Variants in RTN1 observed in about 807,000 individuals in gnomAD.
RTN1 encodes reticulon-1.
In RTN1, 25 loss-of-function variants were observed where a neutral mutation model predicts 65.5. The ratio of observed to expected loss-of-function variants is 0.38; its 90% CI spans 0.28 to 0.53. The LOEUF (loss-of-function observed/expected upper bound fraction) is 0.53. Ranked by LOEUF, RTN1 falls within the 20% of genes least tolerant of loss-of-function variation. The probability of loss-of-function intolerance (pLI) is 0.79; values close to 1 mark genes in which losing one functional copy is unlikely to be tolerated. For missense variants in RTN1, 983 were observed against 1,025.4 expected (o/e 0.96, Z 0.57); for synonymous variants, 471 against 447.6 (o/e 1.05, Z -0.66).
chr14:59,698,821 A>T (rs148004431), intron 3 of RTN1, among the ~76,000 whole-genome samples: 100 of 152,316 alleles, frequency 6.6e-4, no homozygotes, highest in African/African-American at 2.4e-3. Context: ...AAACAATTCT[A>T]TCTTCCTGTA....
chr14:59,729,959 A>G (rs1434893456), intron 2 of RTN1, among the ~76,000 whole-genome samples: 1 of 152,226 alleles, frequency 6.6e-6, no homozygotes, highest in East Asian at 1.9e-4. Context: ...AGCTCTTAGC[A>G]GGCTTCAAGA....
chr14:59,746,991 A>G (rs1885242440), intron 1 of RTN1, among the ~76,000 whole-genome samples: 1 of 152,188 alleles, frequency 6.6e-6, no homozygotes, highest in Non-Finnish European at 1.5e-5. Context: ...CCTTTCATTC[A>G]TGGACTACTG....
chr14:59,713,958 G>A (rs557449181), intron 3 of RTN1, among the ~76,000 whole-genome samples: 30 of 152,272 alleles, frequency 2.0e-4, no homozygotes, highest in African/African-American at 6.5e-4. Context: ...CTAATAGGCC[G>A]GGTGCGGTGG....
chr14:59,699,868 T>C (rs1459362041), intron 3 of RTN1, among the ~76,000 whole-genome samples: 1 of 152,172 alleles, frequency 6.6e-6, no homozygotes, highest in Admixed American at 6.5e-5. Context: ...TCTTCTTCCA[T>C]CTTACCACAC....
chr14:59,771,870 A>C (rs74061303), intron 1 of RTN1, among the ~76,000 whole-genome samples: 2,029 of 152,338 alleles, frequency 0.013, 46 homozygotes, highest in African/African-American at 0.046. Context: ...GCCATTTTGC[A>C]TTGTGCTTTT....
intron 1 of RTN1, among the ~76,000 whole-genome samples, chr14:59,860,556 C>T (rs776556072): frequency 1.3e-5 from 2 of 152,226 alleles, no homozygotes; most frequent in Non-Finnish European, 2.9e-5. Flanking sequence ...GAGAAGAGGG[C>T]CACTGTCCTT....
rs1286617147 is a variant in RTN1 at position 59,792,741 on chromosome 14, C to T, written c.242-46260G>A. Among the ~76,000 whole-genome samples, 9 of 152,130 alleles carry T rather than the reference C, an allele frequency of 5.9e-5. No individual in the cohort carries two copies. The East Asian group carries it at 1.7e-3, about 29-fold the overall frequency. On this transcript the variant is annotated intron_variant, in intron 1 of 8. Coordinates refer to ENST00000267484, the MANE Select transcript of RTN1 (RefSeq NM_021136.3). ...TATCACCTCAACAACCTCAAAAGCA[C>T]ATTGTAAAACAGGATGTTTCAGAAA... is the stretch of plus-strand genomic sequence containing the variant.
chr14:59,697,371 T>A (rs1328607126), intron 3 of RTN1, among the ~76,000 whole-genome samples: 1 of 152,158 alleles, frequency 6.6e-6, no homozygotes, highest in East Asian at 1.9e-4. Context: ...CCATATCCTG[T>A]TCATCACTGA....
intron 1 of RTN1, among the ~76,000 whole-genome samples, chr14:59,779,069 C>T (rs1886105498): frequency 6.6e-6 from 1 of 152,040 alleles, no homozygotes; most frequent in Non-Finnish European, 1.5e-5. Context: ...GAGTACACAG[C>T]AGTGGTCCAG....
intron 3 of RTN1, among the ~76,000 whole-genome samples, chr14:59,617,889 A>C (rs1487317245): frequency 2.6e-5 from 4 of 152,102 alleles, no homozygotes; most frequent in African/African-American, 7.2e-5. Flanking sequence ...TCCCATTCCC[A>C]CTACATCCCC....
chr14:59,605,446 G>A lies in RTN1; in HGVS notation c.2034C>T (p.Cys678=). ...SQEQIQKYTD[C]LQFYVNSTLK... ...GTGTGCTGTTCACGTAGAACTGCAG[G>A]CAGTCCGTGTACTTCTGAATCTGCT... The change falls in exon 5 of 9, where the codon TGC becomes TGT. Residue 678 remains cysteine (C), a synonymous_variant. Coordinates refer to ENST00000267484, the MANE Select transcript of RTN1 (RefSeq NM_021136.3). 6.2e-7 allele frequency: 1 copy of A among 1,614,056 alleles called. No homozygotes were observed. Among genetic ancestry groups the A allele is most frequent in the East Asian group, 2.2e-5 (1 of 44,888 alleles).
chr14:59,805,844 C>T (rs999954184), intron 1 of RTN1, among the ~76,000 whole-genome samples: 3 of 152,152 alleles, frequency 2.0e-5, no homozygotes, highest in Non-Finnish European at 2.9e-5. Flanking sequence ...TAAAGAAAGA[C>T]TGCCTTTCAT....
At chr14:59,726,432 A>G (rs1185293464) in intron 3 of RTN1, among the ~76,000 whole-genome samples, 1 of 152,196 alleles carries the variant, frequency 6.6e-6, no homozygotes, top group African/African-American at 2.4e-5. Context: ...GCCCTTGGGT[A>G]AGAGAAAGGA....
At chr14:59,845,020 A>G (rs939751233) in intron 1 of RTN1, among the ~76,000 whole-genome samples, 4 of 152,244 alleles carry the variant, frequency 2.6e-5, no homozygotes, top group African/African-American at 4.8e-5. Flanking sequence ...GTTTCTCCAT[A>G]TCATAAAGTG....
At chr14:59,751,214 T>TG (rs34976056) in intron 1 of RTN1, among the ~76,000 whole-genome samples, 2 of 145,848 alleles carry the variant, frequency 1.4e-5, no homozygotes, top group Non-Finnish European at 3.0e-5. Context: ...TTTTTTTTTT[T>TG]GCATATGGCA....
intron 3 of RTN1, among the ~76,000 whole-genome samples, chr14:59,713,391 C>T (rs953144154): frequency 2.6e-5 from 4 of 152,112 alleles, no homozygotes; most frequent in Admixed American, 6.5e-5. Flanking sequence ...TGGAAATTTC[C>T]GATGAGAACA....
intron 1 of RTN1, among the ~76,000 whole-genome samples, chr14:59,781,111 C>T (rs1886146916): frequency 6.6e-6 from 1 of 152,086 alleles, no homozygotes; most frequent in Non-Finnish European, 1.5e-5. Context: ...GGTGTCTTAT[C>T]CCTGTTTTGC....
At chr14:59,854,124 T>TGCAG (rs1226133454) in intron 1 of RTN1, among the ~76,000 whole-genome samples, 1 of 151,928 alleles carries the variant, frequency 6.6e-6, no homozygotes, top group African/African-American at 2.4e-5. Context: ...CCTCCCAAAG[T>TGCAG]GCAGGATTAC....
rs1316516187 is a variant in RTN1, at chr14:59,603,139, A to C, written c.2230-16T>G. On this transcript the variant is annotated splice_polypyrimidine_tract_variant and intron_variant, in intron 7 of 8. Coordinates refer to ENST00000267484, the MANE Select transcript of RTN1 (RefSeq NM_021136.3). The stretch of plus-strand genomic sequence containing the variant: ...CAATCTGTGCCTACATAAAGAAAAA[A>C]AAAATAATGAGCATATCCAAAGATG... 6.2e-7 allele frequency: 1 copy of C among 1,612,358 alleles called. No homozygotes were observed. Among genetic ancestry groups the C allele is most frequent in the South Asian group, 1.1e-5 (1 of 90,446 alleles).
Sources: gnomAD v4.1 joint callset for allele counts (sites outside exome capture counted in the v4.1 genomes callset) on GRCh38, gnomAD v4.1.1 for gene constraint, MANE v1.5 for transcripts, NCBI Gene and HGNC (gene_info 2026-07-23, HGNC 2026-07-21) for gene names.